NT5DC3: variants seen among roughly 807,000 people sequenced by gnomAD.
NT5DC3 encodes 5'-nucleotidase domain-containing protein 3.
In NT5DC3, 42 loss-of-function variants were observed where a neutral mutation model predicts 67.8. The observed-to-expected ratio is 0.62, with a 90% CI of 0.48 to 0.80. The LOEUF is 0.80. NT5DC3 is among the 30% of genes least tolerant of loss of function. The pLI is 0.00. For missense variants in NT5DC3, 570 were observed against 696.4 expected, an observed-to-expected ratio of 0.82 and a Z score of 2.04; for synonymous variants, 237 against 255.6, an observed-to-expected ratio of 0.93 and a Z score of 0.69.
At chr12:103,767,926 CAAAA>C (rs111230279), downstream of NT5DC3, among the ~76,000 whole-genome samples, 14 of 145,324 alleles carry the variant, frequency 9.6e-5, no homozygotes, top group Non-Finnish European at 9.1e-5. Context: ...ACTAAAAATA[CAAAA>C]AAAAAATAAT....
chr12:103,806,009 TTCCTCCAG>T (rs1396533415), intron 4 of NT5DC3, among the ~76,000 whole-genome samples: 1 of 152,078 alleles, frequency 6.6e-6, no homozygotes, highest in Non-Finnish European at 1.5e-5. Context: ...AAACCAGTCC[TTCCTCCAG>T]TCCTCCAGAC....
chr12:103,818,466 TC>T (rs2139431950), intron 1 of NT5DC3, among the ~76,000 whole-genome samples: 1 of 151,232 alleles, frequency 6.6e-6, no homozygotes, highest in East Asian at 2.0e-4. Context: ...ACCTCCACCT[TC>T]CAAGTTCAAG....
At chr12:103,828,979 G>A (rs547704119) in intron 1 of NT5DC3, among the ~76,000 whole-genome samples, 79 of 152,280 alleles carry the variant, frequency 5.2e-4, no homozygotes, top group African/African-American at 1.8e-3. Flanking sequence ...GATTACAAGC[G>A]TAAGCCACTG....
chr12:103,804,226 G>A (rs983118816), intron 4 of NT5DC3, among the ~76,000 whole-genome samples: 10 of 152,148 alleles, frequency 6.6e-5, no homozygotes, highest in African/African-American at 2.4e-4. Context: ...ACAGTCAAAG[G>A]AAATGAGAGC....
chr12:103,763,442 G>A, the NT5DC3 span: 22 of 1,566,186 alleles, frequency 1.4e-5, no homozygotes, highest in South Asian at 6.8e-5. Flanking sequence ...TGGCTGAGAC[G>A]CTCCTGCTTT....
Position 103,793,945 on chromosome 12 carries a change from G to T in NT5DC3, c.806C>A (p.Ala269Glu), listed in dbSNP as rs1023172197. 6.2e-7 allele frequency: 1 copy of T among 1,611,206 alleles called. No homozygotes were observed. The highest frequency in any genetic ancestry group is 1.7e-5 in the Admixed American group (1 of 59,994). ...TACTGCTGAGCACATACCAATGTCT[G>T]CTTCAATTGCTCTGTACATTATTCC... is the stretch of plus-strand genomic sequence containing the variant. ...IKGIMYRAIE[A>E]DIEKYICYAE... The change falls in exon 7 of 14, where the codon GCA becomes GAA. Residue 269 changes from alanine to glutamate, a missense_variant. Physicochemically the swap from Ala to Glu is moderately radical, Grantham distance 107. Coordinates refer to ENST00000392876, the MANE Select transcript of NT5DC3 (RefSeq NM_001031701.3).
the NT5DC3 span, among the ~76,000 whole-genome samples, chr12:103,756,043 T>C: frequency 1.3e-5 from 2 of 152,196 alleles, no homozygotes; most frequent in Non-Finnish European, 2.9e-5. Flanking sequence ...TTCTATGTTC[T>C]TGTGAGCTGG....
chr12:103,771,666 G>A (rs1251982706), downstream of NT5DC3, among the ~76,000 whole-genome samples: 1 of 152,192 alleles, frequency 6.6e-6, no homozygotes, highest in African/African-American at 2.4e-5. Flanking sequence ...GGGACGGAGG[G>A]AAAGGCTGGG....
intron 13 of NT5DC3, among the ~76,000 whole-genome samples, chr12:103,779,993 C>T (rs1389464331): frequency 6.6e-6 from 1 of 152,108 alleles, no homozygotes; most frequent in African/African-American, 2.4e-5. Flanking sequence ...AACTGGCCCA[C>T]CAGCTGCCCA....
the NT5DC3 span, chr12:103,759,391 G>C: frequency 7.1e-7 from 1 of 1,409,348 alleles, no homozygotes; most frequent in Admixed American, 2.5e-5. Context: ...TAAACCTGCA[G>C]ATAGGGGACG....
At chr12:103,810,454 T>A (rs933437091) in intron 2 of NT5DC3, among the ~76,000 whole-genome samples, 1 of 152,050 alleles carries the variant, frequency 6.6e-6, no homozygotes, top group Non-Finnish European at 1.5e-5. Flanking sequence ...GTTTAGAAAC[T>A]TTTCACCACC....
rs750011338 is a variant in NT5DC3, at chr12:103,785,453, C to T, written c.1211G>A (p.Trp404Ter). The change falls in exon 12 of 14, where the codon TGG becomes TAG. Residue 404 changes from tryptophan (W) to a stop codon, truncating the protein, a stop_gained. Coordinates refer to ENST00000392876, the MANE Select transcript of NT5DC3 (RefSeq NM_001031701.3). LOFTEE classifies it high-confidence loss of function. ...DLADLTLKHG[W>*]RTGAIIPELR... ...CTCTGGGATGATTGCACCAGTCCTC[C>T]AGCCATGCTTTAGGGTCAAATCCTG... 1.2e-6 allele frequency: 2 copies of T among 1,613,952 alleles called. No homozygotes were observed. Among genetic ancestry groups the T allele is most frequent in the African/African-American group, 1.3e-5 (1 of 74,898 alleles).
At chr12:103,756,996 A>AT in the NT5DC3 span, among the ~76,000 whole-genome samples, 1 of 56,382 alleles carries the variant, frequency 1.8e-5, no homozygotes, top group Non-Finnish European at 3.1e-5. Flanking sequence ...AAGGAGGGAA[A>AT]ATATATATAT....
At chr12:103,779,421 G>A (rs974108683) in intron 13 of NT5DC3, among the ~76,000 whole-genome samples, 2 of 152,204 alleles carry the variant, frequency 1.3e-5, no homozygotes, top group African/African-American at 4.8e-5. Context: ...TTACACAGCT[G>A]TGTGATAAAA....
At chr12:103,799,161 C>T (rs1049219267) in intron 4 of NT5DC3, among the ~76,000 whole-genome samples, 1 of 152,196 alleles carries the variant, frequency 6.6e-6, no homozygotes, top group African/African-American at 2.4e-5. Flanking sequence ...TTGGGGTGGG[C>T]TGGCTTTTGT....
intron 1 of NT5DC3, among the ~76,000 whole-genome samples, chr12:103,816,399 T>C (rs906037602): frequency 6.6e-6 from 1 of 152,216 alleles, no homozygotes; most frequent in Non-Finnish European, 1.5e-5. Flanking sequence ...ATGTTACACA[T>C]TTAAGTTTTT....
chr12:103,750,218 A>G, the NT5DC3 span, among the ~76,000 whole-genome samples: 2 of 152,180 alleles, frequency 1.3e-5, no homozygotes, highest in Non-Finnish European at 2.9e-5. Flanking sequence ...ACAAGTAGAG[A>G]GAGGGGGCAA....
At chr12:103,748,905 T>G in the NT5DC3 span, 1 of 1,561,164 alleles carries the variant, frequency 6.4e-7, no homozygotes, top group East Asian at 2.3e-5. Flanking sequence ...TACCCTGACC[T>G]GAAGCCCTAG....
At chr12:103,793,602 T>C (rs1422320596) in intron 7 of NT5DC3, 90 bp from the exon 8 acceptor site, 2 of 878,142 alleles carry the variant, frequency 2.3e-6, no homozygotes, top group African/African-American at 1.6e-5. Flanking sequence ...GGTCCAGCAC[T>C]GTCCTAGGCA....
Sources: gnomAD v4.1 joint callset for allele counts (sites outside exome capture counted in the v4.1 genomes callset) on GRCh38, gnomAD v4.1.1 for gene constraint, MANE v1.5 for transcripts, NCBI Gene and HGNC (gene_info 2026-07-23, HGNC 2026-07-21) for gene names.